FLT1: variants seen among roughly 807,000 people sequenced by gnomAD.
FLT1 encodes fms related receptor tyrosine kinase 1, also known as vascular endothelial growth factor receptor 1.
In FLT1, 49 loss-of-function variants were observed where a neutral mutation model predicts 156.3. The ratio of observed to expected loss-of-function variants is 0.31; its 90% CI spans 0.25 to 0.40. The LOEUF (loss-of-function observed/expected upper bound fraction) is 0.40. Among genes scored for constraint, FLT1 ranks in the 10% least tolerant of loss-of-function variants. The pLI, the probability that FLT1 is intolerant of heterozygous loss-of-function variation, is 1.00. For synonymous variants in FLT1, 594 were observed against 583.8 expected (o/e 1.02, Z -0.25); for missense variants, 1,322 against 1,637.2 (o/e 0.81, Z 3.32).
At chr13:28,481,712 G>A (rs377484691) in intron 1 of FLT1, among the ~76,000 whole-genome samples, 1 of 152,202 alleles carries the variant, frequency 6.6e-6, no homozygotes, top group African/African-American at 2.4e-5. Context: ...CTGTCATTTA[G>A]AAGTAGAATA....
rs753086125 is a variant in FLT1 at position 28,389,663 on chromosome 13, A to G, written c.1969+133T>C. 6.5e-6 allele frequency: 10 copies of G among 1,527,958 alleles called. No homozygotes were observed. The African/African-American group carries it at 1.4e-4, about 21-fold the overall frequency. 94.7% of individuals were successfully genotyped at this position (1,527,958 alleles called of 1,614,324 possible). ...AGTTAGCAACAGTGACAATAAATCA[A>G]GATGATATGAGACAACTGTTACTTT... On this transcript the variant is annotated intron_variant, in intron 13 of 29. Coordinates refer to ENST00000282397, the MANE Select transcript of FLT1 (RefSeq NM_002019.4).
chr13:28,379,282 CAA>C (rs1281266343), intron 14 of FLT1, among the ~76,000 whole-genome samples: 1 of 152,062 alleles, frequency 6.6e-6, no homozygotes, highest in African/African-American at 2.4e-5. Flanking sequence ...TGCAGTGAGC[CAA>C]GATTGTGCCA....
intron 25 of FLT1, among the ~76,000 whole-genome samples, chr13:28,313,908 A>AGGG (rs10591691): frequency 1.4e-5 from 2 of 143,730 alleles, no homozygotes; most frequent in Admixed American, 1.4e-4. Flanking sequence ...AAAAAAAAAA[A>AGGG]AGAAGAATCC....
At chr13:28,323,832 A>C (rs1258282260) in intron 20 of FLT1, among the ~76,000 whole-genome samples, 1 of 152,138 alleles carries the variant, frequency 6.6e-6, no homozygotes, top group Non-Finnish European at 1.5e-5. Flanking sequence ...AGAGAAGGCT[A>C]TAGTTACCAA....
intron 3 of FLT1, among the ~76,000 whole-genome samples, chr13:28,442,778 C>G (rs1247496500): frequency 6.6e-6 from 1 of 151,818 alleles, no homozygotes; most frequent in Non-Finnish European, 1.5e-5. Context: ...AGTATATTTC[C>G]TCTGCAATTT....
intron 3 of FLT1, among the ~76,000 whole-genome samples, chr13:28,455,855 T>C (rs367885668): frequency 5.3e-5 from 8 of 152,282 alleles, no homozygotes; most frequent in African/African-American, 1.7e-4. Context: ...AGATGGCAAA[T>C]AAGCATATGA....
chr13:28,494,003 C>G (rs947893628), intron 1 of FLT1, among the ~76,000 whole-genome samples: 1 of 152,248 alleles, frequency 6.6e-6, no homozygotes, highest in Admixed American at 6.5e-5. Flanking sequence ...GGGTCAGGGT[C>G]ACTGATGTCC....
chr13:28,318,398 A>G (rs557891441), intron 24 of FLT1, among the ~76,000 whole-genome samples: 82 of 152,124 alleles, frequency 5.4e-4, no homozygotes, highest in Middle Eastern at 3.4e-3. Context: ...TTTACTGCCC[A>G]GGATTCCCCT....
chr13:28,463,337 C>A (rs967404635), intron 3 of FLT1, among the ~76,000 whole-genome samples: 1 of 152,162 alleles, frequency 6.6e-6, no homozygotes, highest in Non-Finnish European at 1.5e-5. Flanking sequence ...GTGGGAACAG[C>A]GCCTGTTACA....
At chr13:28,468,651 G>A (rs1236442990) in intron 1 of FLT1, among the ~76,000 whole-genome samples, 2 of 152,144 alleles carry the variant, frequency 1.3e-5, no homozygotes, top group East Asian at 1.9e-4. Context: ...GCATGGCATG[G>A]TGCTGTTGTT....
intron 19 of FLT1, 53 bp from the exon 20 acceptor site, chr13:28,327,603 A>T (rs1019634887): frequency 7.8e-7 from 1 of 1,277,774 alleles, no homozygotes; most frequent in African/African-American, 1.5e-5. Context: ...CCAGTCAGCC[A>T]TTTGCCAGCC....
intron 14 of FLT1, among the ~76,000 whole-genome samples, chr13:28,363,229 T>C (rs1017430443): frequency 1.1e-4 from 16 of 152,234 alleles, no homozygotes; most frequent in Non-Finnish European, 2.4e-4. Flanking sequence ...AATTTTAATT[T>C]TTTTGACTGT....
intron 29 of FLT1, among the ~76,000 whole-genome samples, chr13:28,306,081 G>T (rs548552533): frequency 6.6e-6 from 1 of 152,210 alleles, no homozygotes; most frequent in African/African-American, 2.4e-5. Flanking sequence ...GTAGAGACTC[G>T]CACAGAGAAG....
intron 12 of FLT1, 103 bp downstream of exon 12, chr13:28,396,857 A>C: frequency 2.6e-6 from 2 of 757,238 alleles, no homozygotes; most frequent in Non-Finnish European, 4.8e-6. Flanking sequence ...ATTCTATGGA[A>C]TTAAAAAAAA....
intron 3 of FLT1, among the ~76,000 whole-genome samples, chr13:28,451,091 T>G (rs1263272549): frequency 6.6e-6 from 1 of 152,114 alleles, no homozygotes; most frequent in Non-Finnish European, 1.5e-5. Context: ...TGCTGTAAGG[T>G]GCTGAGGACT....
At chr13:28,401,385 C>A (rs1388245243) in intron 11 of FLT1, among the ~76,000 whole-genome samples, 1 of 152,028 alleles carries the variant, frequency 6.6e-6, no homozygotes, top group Non-Finnish European at 1.5e-5. Context: ...TTGGTATGAC[C>A]CAGGAATGCT....
At chr13:28,383,316 A>T (rs368460001) in intron 14 of FLT1, among the ~76,000 whole-genome samples, 8 of 152,332 alleles carry the variant, frequency 5.3e-5, no homozygotes, top group African/African-American at 1.7e-4. Flanking sequence ...TTCACGCACC[A>T]AGTACTACAT....
intron 3 of FLT1, among the ~76,000 whole-genome samples, chr13:28,441,587 CA>C (rs1878336906): frequency 6.6e-6 from 1 of 151,984 alleles, no homozygotes; most frequent in Non-Finnish European, 1.5e-5. Flanking sequence ...TCTTAACTAT[CA>C]AAAATATAAA....
At chr13:28,494,548 G>A (rs1881648785) in intron 1 of FLT1, among the ~76,000 whole-genome samples, 1 of 152,168 alleles carries the variant, frequency 6.6e-6, no homozygotes, top group South Asian at 2.1e-4. Flanking sequence ...CGGTCTGAGC[G>A]CTGATGCTCG....
Sources: allele counts gnomAD v4.1 joint callset (sites outside exome capture counted in the v4.1 genomes callset), GRCh38; gene constraint gnomAD v4.1.1; transcripts MANE v1.5; gene names NCBI Gene and HGNC (gene_info 2026-07-23, HGNC 2026-07-21).